Variants in SLC25A12 observed in about 807,000 individuals in gnomAD.
SLC25A12 encodes solute carrier family 25 member 12.
Under a neutral mutation model 83.3 loss-of-function variants are expected in SLC25A12, and 32 were observed. The ratio of observed to expected loss-of-function variants is 0.38; its 90% CI spans 0.29 to 0.52. SLC25A12 has a LOEUF of 0.52. Ranked by LOEUF, SLC25A12 falls within the 20% of genes least tolerant of loss-of-function variation. The pLI, the probability that SLC25A12 is intolerant of heterozygous loss-of-function variation, is 0.84. For missense variants in SLC25A12, 611 were observed against 835.6 expected, an observed-to-expected ratio of 0.73 and a Z score of 3.31; for synonymous variants, 267 against 291.1, an observed-to-expected ratio of 0.92 and a Z score of 0.84.
chr2:171,844,562 C>A, intron 4 of SLC25A12, 54 bp from the exon 5 acceptor site: 1 of 1,240,804 alleles, frequency 8.1e-7, no homozygotes, highest in Non-Finnish European at 1.2e-6. Flanking sequence ...GTAGTTTAAA[C>A]CACTGCAATG....
At chr2:171,827,198 A>G (rs1282919571) in intron 8 of SLC25A12, among the ~76,000 whole-genome samples, 3 of 152,242 alleles carry the variant, frequency 2.0e-5, no homozygotes, top group Admixed American at 6.5e-5. Flanking sequence ...TGTGTCCCCA[A>G]GGATACCTAT....
intron 2 of SLC25A12, among the ~76,000 whole-genome samples, chr2:171,872,641 A>G (rs1399652267): frequency 6.6e-6 from 1 of 152,206 alleles, no homozygotes; most frequent in East Asian, 1.9e-4. Context: ...TGGTATGAGA[A>G]ATATACTATG....
At chr2:171,819,399 AT>A (rs1684134065) in intron 9 of SLC25A12, among the ~76,000 whole-genome samples, 2 of 65,246 alleles carry the variant, frequency 3.1e-5, no homozygotes, top group Non-Finnish European at 6.6e-5. Flanking sequence ...ATATTATATA[AT>A]TATATAAGTA....
At chr2:171,807,169 C>A (rs191517860) in intron 13 of SLC25A12, among the ~76,000 whole-genome samples, 1 of 152,228 alleles carries the variant, frequency 6.6e-6, no homozygotes, top group East Asian at 1.9e-4. Context: ...AGATTTAGAG[C>A]AAGGGGGAAG....
At chr2:171,834,096 C>A (rs1558924436) in intron 7 of SLC25A12, 40 bp from the exon 8 acceptor site, 5 of 1,136,430 alleles carry the variant, frequency 4.4e-6, no homozygotes, top group Non-Finnish European at 5.4e-6. Flanking sequence ...TTGAATGATT[C>A]TTAATATATA....
intron 6 of SLC25A12, among the ~76,000 whole-genome samples, 188 bp from the exon 7 acceptor site, chr2:171,835,053 G>A (rs1191024140): frequency 2.6e-5 from 4 of 152,240 alleles, no homozygotes; most frequent in Non-Finnish European, 1.5e-5. Flanking sequence ...GGAAGTCTAT[G>A]TAATTTAGGT....
chr2:171,845,515 T>C (rs916622018), intron 4 of SLC25A12, among the ~76,000 whole-genome samples: 2 of 152,232 alleles, frequency 1.3e-5, no homozygotes, highest in African/African-American at 4.8e-5. Flanking sequence ...CTATCAGTTA[T>C]ACTAGAGAAT....
chr2:171,860,269 G>A (rs986030575), intron 3 of SLC25A12, among the ~76,000 whole-genome samples: 3 of 152,060 alleles, frequency 2.0e-5, no homozygotes, highest in Non-Finnish European at 4.4e-5. Context: ...TACTATGTGC[G>A]AGTCCTACAT....
At position 171,787,819 on chromosome 2, in the gene SLC25A12, C is replaced by T; in HGVS notation, c.1714G>A (p.Gly572Arg). The change falls in exon 16 of 18, where the codon GGG becomes AGG. Residue 572 changes from glycine (G) to arginine (R), a missense_variant. By Grantham distance (125) the Gly-to-Arg change is moderately radical. Transcript: ENST00000422440. ...DCFRKILREE[G>R]PSAFWKGTAA... is the part of the protein sequence containing the mutation. ...GTCCCTTTCCAAAATGCTGAGGGCCCTTCTTCCCGGAGAATCTTCCTGAAA... is the reference window on the plus strand; with the variant it reads ...GTCCCTTTCCAAAATGCTGAGGGCCTTTCTTCCCGGAGAATCTTCCTGAAA... 6.2e-7 allele frequency: 1 copy of T among 1,614,224 alleles called. No homozygotes were observed. Among genetic ancestry groups the T allele is most frequent in the South Asian group, 1.1e-5 (1 of 91,080 alleles).
At chr2:171,849,662 C>T (rs372747093) in intron 4 of SLC25A12, among the ~76,000 whole-genome samples, 3 of 150,646 alleles carry the variant, frequency 2.0e-5, no homozygotes, top group Admixed American at 1.3e-4. Flanking sequence ...CCCGGGTTCA[C>T]GCCATTCGTG....
chr2:171,873,131 A>G (rs908020513), intron 2 of SLC25A12, among the ~76,000 whole-genome samples: 10 of 152,284 alleles, frequency 6.6e-5, no homozygotes, highest in Non-Finnish European at 1.3e-4. Context: ...TCGAACAGGG[A>G]GACTGGTAAG....
At chr2:171,799,181 T>C (rs190278680) in intron 13 of SLC25A12, among the ~76,000 whole-genome samples, 1 of 152,218 alleles carries the variant, frequency 6.6e-6, no homozygotes, top group African/African-American at 2.4e-5. Context: ...TCCAGAATTG[T>C]GAGCAATAAA....
chr2:171,791,413 G>A, intron 15 of SLC25A12, 38 bp downstream of exon 15: 1 of 1,551,898 alleles, frequency 6.4e-7, no homozygotes, highest in Non-Finnish European at 8.9e-7. Flanking sequence ...TTTAAATAAT[G>A]GGAGAATTCT....
intron 2 of SLC25A12, among the ~76,000 whole-genome samples, chr2:171,871,349 G>T (rs145738680): frequency 7.5e-4 from 114 of 152,330 alleles, no homozygotes; most frequent in African/African-American, 2.6e-3. Flanking sequence ...CAGATCACTT[G>T]AAGTCAAGAG....
At chr2:171,817,600 C>CAAAAAAA (rs71013076) in intron 9 of SLC25A12, among the ~76,000 whole-genome samples, 7,282 of 64,094 alleles carry the variant, frequency 0.11, 1,175 homozygotes, top group African/African-American at 0.22. Context: ...GACTCTGCCT[C>CAAAAAAA]AAAAAAAAAA....
At position 171,826,810 on chromosome 2, in the gene SLC25A12, T is replaced by G. The variant is rs1478238508; in HGVS notation, c.918A>C (p.Glu306Asp). 6.3e-7 allele frequency: 1 copy of G among 1,592,202 alleles called. No homozygotes were observed. The highest frequency in any genetic ancestry group is 1.3e-5 in the African/African-American group (1 of 74,486). Residue 306 changes from glutamate to aspartate, a missense_variant, in exon 9 of 18, where the codon GAA becomes GAC. By Grantham distance (45) the Glu-to-Asp change is conservative (BLOSUM62 2). Transcript: ENST00000422440. Reference protein sequence around the residue: ...AEGALPYNLAELQRQQSPGLG... With the variant: ...AEGALPYNLADLQRQQSPGLG... ...AGATTACTCATACCTGTCTCTGAAG[T>G]TCTGCCAGGTTGTAAGGTAAGGCCC...
intron 4 of SLC25A12, among the ~76,000 whole-genome samples, chr2:171,848,915 C>T (rs184916003): frequency 8.5e-5 from 13 of 152,316 alleles, no homozygotes; most frequent in Admixed American, 3.3e-4. Flanking sequence ...ATCGGTTGGG[C>T]GTGGTGGCTC....
intron 13 of SLC25A12, among the ~76,000 whole-genome samples, chr2:171,798,408 C>T (rs923464926): frequency 6.6e-6 from 1 of 152,184 alleles, no homozygotes; most frequent in Admixed American, 6.5e-5. Flanking sequence ...TGTTTATTTC[C>T]TTCTTTGATC....
chr2:171,877,889 TA>T (rs1347185732), intron 2 of SLC25A12, among the ~76,000 whole-genome samples: 1 of 152,178 alleles, frequency 6.6e-6, no homozygotes, highest in Non-Finnish European at 1.5e-5. Context: ...TTTATATCTC[TA>T]AAAGATATTC....
Sources: allele counts gnomAD v4.1 joint callset (sites outside exome capture counted in the v4.1 genomes callset), GRCh38; gene constraint gnomAD v4.1.1; transcripts MANE v1.5; gene names NCBI Gene and HGNC (gene_info 2026-07-23, HGNC 2026-07-21).